The following CENPU variants were observed in gnomAD, a reference collection of about 807,000 sequenced individuals.
The protein encoded by CENPU is KSHV latent nuclear antigen interacting protein 1.
A neutral mutation model predicts 56.7 loss-of-function variants in CENPU; 46 were observed. The observed-to-expected ratio is 0.81, with a 90% confidence interval of 0.64 to 1.04. The LOEUF (loss-of-function observed/expected upper bound fraction) is 1.04. CENPU is among the 50% of genes least tolerant of loss of function. The probability of loss-of-function intolerance (pLI) is 0.00; values close to 1 mark genes in which losing one functional copy is unlikely to be tolerated. For missense variants in CENPU, 510 were observed against 490.1 expected (o/e 1.04, Z -0.38); for synonymous variants, 166 against 163.0 (o/e 1.02, Z -0.14).
At chr4:184,712,408 C>T (rs145086990) in intron 7 of CENPU, among the ~76,000 whole-genome samples, 43 of 152,260 alleles carry the variant, frequency 2.8e-4, no homozygotes, top group African/African-American at 9.4e-4. Context: ...GAAGCCACTG[C>T]CTCTGGAGAT....
chr4:184,729,323 G>A (rs1761559850), intron 2 of CENPU, among the ~76,000 whole-genome samples: 1 of 152,156 alleles, frequency 6.6e-6, no homozygotes, highest in African/African-American at 2.4e-5. Flanking sequence ...ATAACCTAAG[G>A]CATGGATTGG....
intron 7 of CENPU, chr4:184,710,467 G>A: frequency 4.1e-6 from 1 of 243,486 alleles, no homozygotes. Context: ...ATTTAGTATT[G>A]TGCTGTTATT....
chr4:184,705,986 G>A (rs902634369), intron 8 of CENPU, among the ~76,000 whole-genome samples: 1 of 152,124 alleles, frequency 6.6e-6, no homozygotes, highest in Admixed American at 6.5e-5. Context: ...GTGATTTAAC[G>A]GGTACAGAAT....
intron 4 of CENPU, among the ~76,000 whole-genome samples, chr4:184,717,705 T>G (rs1761138719): frequency 6.6e-6 from 1 of 152,192 alleles, no homozygotes; most frequent in Admixed American, 6.5e-5. Context: ...TTGAGAGGCT[T>G]TCCTTCAAAG....
intron 4 of CENPU, among the ~76,000 whole-genome samples, chr4:184,721,641 G>C (rs1761282435): frequency 6.6e-6 from 1 of 152,080 alleles, no homozygotes; most frequent in South Asian, 2.1e-4. Flanking sequence ...GACAGAAACT[G>C]TAAGAAGAGA....
At chr4:184,717,324 A>G in intron 4 of CENPU, 128 bp from the exon 5 acceptor site, 1 of 684,988 alleles carries the variant, frequency 1.5e-6, no homozygotes, top group Non-Finnish European at 2.5e-6. Context: ...TGTCACATAC[A>G]AGTCTGCCAC....
Position 184,712,946 on chromosome 4 carries a change from G to T in CENPU, c.686C>A (p.Ser229Ter). Residue 229 changes from serine (S) to a stop codon, truncating the protein, a stop_gained and splice_region_variant, in exon 7 of 13, where the codon TCA becomes TAA. Transcript: ENST00000281453. LOFTEE classifies it high-confidence loss of function. ...RKKSRSKAIG[S>*]DTSDIVHIWC... ...AAGTATAAAACATCATTCTCTACCTGAGCCTATGGCTTTACTTCTTGATTT... is the reference window on the plus strand; with the variant it reads ...AAGTATAAAACATCATTCTCTACCTTAGCCTATGGCTTTACTTCTTGATTT... The T allele has an allele frequency of 6.3e-7, 1 of 1,579,518 alleles. No individual in the cohort carries two copies. The highest frequency in any genetic ancestry group is 1.1e-5 in the South Asian group (1 of 87,816).
chr4:184,706,109 G>C (rs1176269697), intron 8 of CENPU, among the ~76,000 whole-genome samples: 1 of 152,028 alleles, frequency 6.6e-6, no homozygotes, highest in Non-Finnish European at 1.5e-5. Context: ...TTTATGTTAT[G>C]TGTATTTTAG....
At position 184,717,167 on chromosome 4, in the gene CENPU, T is replaced by C; in HGVS notation, c.350A>G (p.Glu117Gly). ...SSDTSGNEAS[E>G]IESVKISAKK... ...TGCACTAATTTTTACAGATTCGATT[T>C]CACTTGCTTCATTTCCAGAAGTGTC... The change falls in exon 5 of 13, where the codon GAA becomes GGA. Residue 117 changes from glutamate to glycine, a missense_variant. Glu to Gly is a moderately conservative substitution (Grantham distance 98). Coordinates refer to ENST00000281453, the MANE Select transcript of CENPU (RefSeq NM_024629.4). The C allele has an allele frequency of 6.2e-7, 1 of 1,612,538 alleles. No individual in the cohort carries two copies. The highest frequency in any genetic ancestry group is 8.5e-7 in the Non-Finnish European group (1 of 1,179,698).
chr4:184,730,325 A>G (rs1761593883), intron 2 of CENPU, among the ~76,000 whole-genome samples: 1 of 152,050 alleles, frequency 6.6e-6, no homozygotes, highest in Non-Finnish European at 1.5e-5. Context: ...CCAGAGGGGA[A>G]GAGAGCTATC....
chr4:184,725,044 G>A lies in CENPU; in HGVS notation c.233C>T (p.Thr78Ile), dbSNP rs1280761715. Residue 78 changes from threonine (T) to isoleucine (I), a missense_variant, in exon 4 of 13, where the codon ACA (threonine) becomes ATA (isoleucine). Physicochemically the swap from Thr to Ile is moderately conservative, Grantham distance 89. Coordinates refer to ENST00000281453, the MANE Select transcript of CENPU (RefSeq NM_024629.4). ...YETFDPPLHS[T>I]AIYADEEEFS... ...TTCTTCTTCATCAGCATATATAGCT[G>A]TGCTATGTAAAGGAGGATCTTTCAA... 1 of 1,608,260 alleles carries A rather than the reference G, an allele frequency of 6.2e-7. No individual in the cohort carries two copies. The highest frequency in any genetic ancestry group is 8.5e-7 in the Non-Finnish European group (1 of 1,176,890).
In CENPU at chr4:184,695,298, T is replaced by G. The variant is rs1288374515; in HGVS notation, c.1247A>C (p.Asp416Ala). Residue 416 changes from aspartate (D) to alanine (A), a missense_variant, in exon 13 of 13, where the codon GAC becomes GCC. By Grantham distance (126) the Asp-to-Ala change is moderately radical. Transcript: ENST00000281453. ...NINHQLEKLL[D>A]QG ...AGTAGACTGCTCTTCTCATCCCTGG[T>G]CAAGGAGCTTCTCTAACTGATGGTT... 1 of 1,611,974 alleles carries G rather than the reference T, an allele frequency of 6.2e-7. No homozygotes were observed. The highest frequency in any genetic ancestry group is 8.5e-7 in the Non-Finnish European group (1 of 1,178,280).
At chr4:184,733,881 G>C (rs1227512275) in intron 1 of CENPU, 135 bp downstream of exon 1, 1 of 1,172,168 alleles carries the variant, frequency 8.5e-7, no homozygotes. Context: ...GGAAGCCGGG[G>C]ACCCGGGCGA....
At chr4:184,695,560 C>T (rs1760257837) in intron 12 of CENPU, among the ~76,000 whole-genome samples, 159 bp from the exon 13 acceptor site, 1 of 152,118 alleles carries the variant, frequency 6.6e-6, no homozygotes, top group African/African-American at 2.4e-5. Context: ...GGTTTTAATC[C>T]ATTTCCCTTA....
intron 7 of CENPU, among the ~76,000 whole-genome samples, chr4:184,712,481 G>A (rs1229733149): frequency 6.6e-6 from 1 of 152,178 alleles, no homozygotes; most frequent in African/African-American, 2.4e-5. Context: ...GACTTTACAT[G>A]TTGACAGTGA....
At chr4:184,711,057 A>G in intron 7 of CENPU, among the ~76,000 whole-genome samples, 1 of 151,892 alleles carries the variant, frequency 6.6e-6, no homozygotes, top group East Asian at 1.9e-4. Flanking sequence ...GGGTCCCACT[A>G]TGTTGCCCAG....
At chr4:184,710,277 G>A in intron 7 of CENPU, 97 bp from the exon 8 acceptor site, 1 of 671,674 alleles carries the variant, frequency 1.5e-6, no homozygotes. Flanking sequence ...TCACCAAATT[G>A]TAAAAGATAG....
At chr4:184,703,708 A>G (rs1760623292) in intron 8 of CENPU, among the ~76,000 whole-genome samples, 1 of 152,260 alleles carries the variant, frequency 6.6e-6, no homozygotes, top group South Asian at 2.1e-4. Context: ...TATCAATTGT[A>G]CACCAATGTT....
Position 184,734,036 on chromosome 4 carries a change from C to T in CENPU, c.27G>A (p.Pro9=), listed in dbSNP as rs876840. The T allele has an allele frequency of 1.7e-5, 27 of 1,583,290 alleles. No individual in the cohort carries two copies. Among genetic ancestry groups the T allele is most frequent in the Non-Finnish European group, 2.3e-5 (27 of 1,167,184 alleles). MAPRGRRR[P]RPHRSEGARR... is the part of the protein sequence containing the mutation. ...CTTACCCCTCAGACCTGTGAGGCCG[C>T]GGCCGCCGCCGCCCCCGCGGGGCCA... The change falls in exon 1 of 13, where the codon CCG becomes CCA. Residue 9 remains proline, a synonymous_variant. Transcript: ENST00000281453.
Sources: gnomAD v4.1 joint callset for allele counts (sites outside exome capture counted in the v4.1 genomes callset) on GRCh38, gnomAD v4.1.1 for gene constraint, MANE v1.5 for transcripts, NCBI Gene and HGNC (gene_info 2026-07-23, HGNC 2026-07-21) for gene names.